The following PCDHA9 variants were observed in gnomAD, a reference collection of about 807,000 sequenced individuals.
The protein encoded by PCDHA9 is protocadherin alpha 9, also known as protocadherin alpha-9.
Under a neutral mutation model 62.0 loss-of-function variants are expected in PCDHA9, and 62 were observed. The ratio of observed to expected loss-of-function variants is 1.00; its 90% CI spans 0.81 to 1.23. The LOEUF (loss-of-function observed/expected upper bound fraction) is 1.23. Ranked by LOEUF, PCDHA9 falls within the 50% of genes most tolerant of loss-of-function variation. The pLI, the probability that PCDHA9 is intolerant of heterozygous loss-of-function variation, is 0.00. For missense variants in PCDHA9, 1,205 were observed against 1,249.8 expected, an observed-to-expected ratio of 0.96 and a Z score of 0.54; for synonymous variants, 557 against 567.6, an observed-to-expected ratio of 0.98 and a Z score of 0.27.
intron 1 of PCDHA9, chr5:140,883,560 G>C: frequency 6.2e-7 from 1 of 1,614,184 alleles, no homozygotes; most frequent in South Asian, 1.1e-5. Flanking sequence ...CGGGACGGGG[G>C]CTCGCCTTCG....
chr5:140,966,374 C>G (rs2095995934), intron 1 of PCDHA9: 1 of 405,056 alleles, frequency 2.5e-6, no homozygotes, highest in South Asian at 1.3e-4. Flanking sequence ...GCTGAGCAGT[C>G]CGGGTTCGCT....
At chr5:140,983,977 C>T (rs566705604) in intron 3 of PCDHA9, among the ~76,000 whole-genome samples, 20 of 152,234 alleles carry the variant, frequency 1.3e-4, no homozygotes, top group Non-Finnish European at 2.4e-4. Flanking sequence ...AAAAAATATA[C>T]GAGTTGAAGC....
At position 141,011,529 on chromosome 5, in the gene PCDHA9, G is replaced by A. The variant is rs2098420955; in HGVS notation, c.*1592G>A. On this transcript the variant is annotated 3_prime_UTR_variant, in exon 4 of 4. Coordinates refer to ENST00000532602, the MANE Select transcript of PCDHA9 (RefSeq NM_031857.2). ...GTGGAGTAGTGTTTTTTTAACCATT[G>A]TTAATCAGCTTTTGTGTATGAAAGA... 1.3e-5 allele frequency: 2 copies of A among 153,538 alleles called. No homozygotes were observed. The highest frequency in any genetic ancestry group is 3.9e-4 in the East Asian group (2 of 5,188). The allele number at this position is 153,538 out of a possible 1,614,324, so 9.5% of individuals were successfully genotyped here.
intron 1 of PCDHA9, chr5:140,926,825 G>GT (rs1175916332): frequency 1.3e-6 from 2 of 1,499,578 alleles, no homozygotes; most frequent in Non-Finnish European, 1.8e-6. Flanking sequence ...CTCTCCAGGA[G>GT]TCCGGAGCAT....
chr5:140,863,163 G>A (rs1554157882), intron 1 of PCDHA9: 4 of 658,702 alleles, frequency 6.1e-6, no homozygotes, highest in Non-Finnish European at 1.1e-5. Flanking sequence ...ACTGCGAGCT[G>A]GCGCTGACTG....
intron 1 of PCDHA9, chr5:140,871,632 T>G (rs1554165792): frequency 7.2e-7 from 1 of 1,380,660 alleles, no homozygotes; most frequent in Non-Finnish European, 9.6e-7. Context: ...ACAATGTCTG[T>G]TCATAAAATA....
At position 140,850,835 on chromosome 5, in the gene PCDHA9, T is replaced by C; in HGVS notation, c.2340T>C (p.Ala780=). 5 of 1,597,984 alleles carry C rather than the reference T, an allele frequency of 3.1e-6. No homozygotes were observed. Among genetic ancestry groups the C allele is most frequent in the Non-Finnish European group, 4.3e-6 (5 of 1,167,374 alleles). The change falls in exon 1 of 4, where the codon GCT becomes GCC. Residue 780 remains alanine, a synonymous_variant. Transcript: ENST00000532602. ...MAFSPGLSPC[A]GSTERTGEPS... ...TCAGCCCGGGCCTTTCTCCTTGTGC[T>C]GGATCTACAGAGCGAACGGGAGAAC... is the stretch of plus-strand genomic sequence containing the variant.
At chr5:140,875,606 T>C in intron 1 of PCDHA9, 4 of 1,613,864 alleles carry the variant, frequency 2.5e-6, no homozygotes, top group Middle Eastern at 3.4e-4. Flanking sequence ...GGCACCTTCG[T>C]GGGCCGCATC....
At chr5:140,872,472 A>T (rs1251918712) in intron 1 of PCDHA9, among the ~76,000 whole-genome samples, 1 of 152,106 alleles carries the variant, frequency 6.6e-6, no homozygotes, top group South Asian at 2.1e-4. Context: ...ATAAAAAATT[A>T]AAAAATTAGC....
At chr5:140,945,206 A>G (rs148955371) in intron 1 of PCDHA9, among the ~76,000 whole-genome samples, 1 of 152,282 alleles carries the variant, frequency 6.6e-6, no homozygotes, top group East Asian at 1.9e-4. Context: ...TACAATAGCT[A>G]TGAGAAAATA....
chr5:140,953,961 G>C lies in PCDHA9; in HGVS notation c.2395-24988G>C, dbSNP rs140078691. ...CCCATTGCTCCCCCAACAGGCCCCA[G>C]TGTGTGTTGTTCCCCTTCATATTTT... On this transcript the variant is annotated intron_variant, in intron 1 of 3. Coordinates refer to ENST00000532602, the MANE Select transcript of PCDHA9 (RefSeq NM_031857.2). 1.0e-3 allele frequency among the ~76,000 whole-genome samples: 152 copies of C among 152,128 alleles called. 3 individuals are homozygous for C. In the East Asian group the frequency reaches 0.026, roughly 26 times the overall value.
intron 1 of PCDHA9, chr5:140,858,692 C>A: frequency 1.7e-6 from 1 of 580,634 alleles, no homozygotes; most frequent in Non-Finnish European, 2.9e-6. Flanking sequence ...TAATATTTTC[C>A]AATACAAATA....
intron 1 of PCDHA9, chr5:140,862,697 T>C (rs2047497328): frequency 1.8e-6 from 1 of 556,706 alleles, no homozygotes; most frequent in East Asian, 5.0e-5. Context: ...TACTCGTTGA[T>C]GGAACAGCGG....
chr5:140,850,243 G>A lies in PCDHA9; in HGVS notation c.1748G>A (p.Arg583Gln). The A allele has an allele frequency of 6.3e-7, 1 of 1,593,880 alleles. No individual in the cohort carries two copies. The highest frequency in any genetic ancestry group is 8.6e-7 in the Non-Finnish European group (1 of 1,167,258). The change falls in exon 1 of 4, where the codon CGG becomes CAG. Residue 583 changes from arginine to glutamine, a missense_variant. Physicochemically the swap from Arg to Gln is conservative, Grantham distance 43 (BLOSUM62 1). Coordinates refer to ENST00000532602, the MANE Select transcript of PCDHA9 (RefSeq NM_031857.2). The stretch of plus-strand genomic sequence containing the variant: ...GGCGCAGTGAGCGAGATGGTGCTGC[G>A]GTCGGTGGGCGCCGGCGTAGTGGTG... ...TDGAVSEMVL[R>Q]SVGAGVVVGK...
chr5:140,849,601 T>G lies in PCDHA9; in HGVS notation c.1106T>G (p.Ile369Ser), dbSNP rs2150442110. ...GAGGACGCACAACTGGGGACAGTTA[T>G]TGCCCTGATTAGTGTGATCGACCTA... is the stretch of plus-strand genomic sequence containing the variant. ...VKEDAQLGTV[I>S]ALISVIDLDA... The change falls in exon 1 of 4, where the codon ATT (isoleucine) becomes AGT (serine). Residue 369 changes from isoleucine (I) to serine (S), a missense_variant. Transcript: ENST00000532602. The G allele has an allele frequency of 3.9e-5, 63 of 1,598,652 alleles. 7 individuals carry two copies. The highest frequency in any genetic ancestry group is 2.7e-4 in the South Asian group (24 of 90,564).
chr5:140,906,824 G>A (rs2072970432), intron 1 of PCDHA9, among the ~76,000 whole-genome samples: 1 of 152,216 alleles, frequency 6.6e-6, no homozygotes, highest in African/African-American at 2.4e-5. Flanking sequence ...CTGTGGAGTA[G>A]TAGACTGATT....
chr5:140,883,960 G>A (rs2059914384), intron 1 of PCDHA9: 1 of 1,613,090 alleles, frequency 6.2e-7, no homozygotes. Context: ...ACGCTCCGGC[G>A]CTGCTGACGC....
At chr5:140,927,130 C>T (rs1554204065) in intron 1 of PCDHA9, 6 of 1,614,032 alleles carry the variant, frequency 3.7e-6, no homozygotes, top group African/African-American at 1.3e-5. Flanking sequence ...GGTCAGAGAG[C>T]CGGCGGACCG....
At chr5:140,870,761 T>C (rs1456957620) in intron 1 of PCDHA9, 1 of 1,613,524 alleles carries the variant, frequency 6.2e-7, no homozygotes, top group Non-Finnish European at 8.5e-7. Flanking sequence ...CTGCAGGTGT[T>C]CGTGCTGGAC....
Sources: allele counts gnomAD v4.1 joint callset (sites outside exome capture counted in the v4.1 genomes callset), GRCh38; gene constraint gnomAD v4.1.1; transcripts MANE v1.5; gene names NCBI Gene and HGNC (gene_info 2026-07-23, HGNC 2026-07-21).